The following CDC5L variants were observed in gnomAD, a reference collection of about 807,000 sequenced individuals.
CDC5L encodes cell division cycle 5 like, also known as cell division cycle 5-like protein.
CDC5L carries 18 observed loss-of-function variants against 104.1 expected under a neutral mutation model. The observed-to-expected ratio is 0.17, with a 90% CI of 0.12 to 0.26. The LOEUF (loss-of-function observed/expected upper bound fraction) is 0.26. Among genes scored for constraint, CDC5L ranks in the 10% least tolerant of loss-of-function variants. CDC5L has a pLI of 1.00. For synonymous variants in CDC5L, 331 were observed against 322.7 expected, an observed-to-expected ratio of 1.03 and a Z score of -0.28; for missense variants, 673 against 956.9, an observed-to-expected ratio of 0.70 and a Z score of 3.91.
At chr6:44,394,666 G>A in intron 4 of CDC5L, among the ~76,000 whole-genome samples, 1 of 151,848 alleles carries the variant, frequency 6.6e-6, no homozygotes, top group African/African-American at 2.4e-5. Flanking sequence ...GATCAGCCTG[G>A]CCAACATGGT....
intron 14 of CDC5L, chr6:44,435,608 G>C (rs1297975438): frequency 1.3e-5 from 2 of 153,498 alleles, no homozygotes; most frequent in African/African-American, 4.8e-5. Flanking sequence ...TATTAGCAGT[G>C]GTGTGACCAG....
At chr6:44,434,063 A>T (rs1040032377) in intron 14 of CDC5L, among the ~76,000 whole-genome samples, 1 of 152,172 alleles carries the variant, frequency 6.6e-6, no homozygotes, top group African/African-American at 2.4e-5. Context: ...CTCTTTCCCA[A>T]ATTCTGTTCT....
chr6:44,427,327 T>C (rs1792469053), intron 13 of CDC5L, among the ~76,000 whole-genome samples: 1 of 152,174 alleles, frequency 6.6e-6, no homozygotes, highest in African/African-American at 2.4e-5. Context: ...GAAATCTCCA[T>C]AATTGTATAA....
intron 7 of CDC5L, 29 bp downstream of exon 7, chr6:44,406,496 A>G (rs764150630): frequency 7.0e-6 from 11 of 1,578,704 alleles, no homozygotes; most frequent in Admixed American, 1.8e-5. Flanking sequence ...ATTTTTCACT[A>G]TGTGAATTTA....
chr6:44,437,848 T>C (rs1168855278), intron 14 of CDC5L, among the ~76,000 whole-genome samples: 1 of 152,242 alleles, frequency 6.6e-6, no homozygotes, highest in Non-Finnish European at 1.5e-5. Context: ...AAAAGCATTA[T>C]ATGTATTAAT....
intron 14 of CDC5L, among the ~76,000 whole-genome samples, chr6:44,430,378 G>A (rs1792622701): frequency 1.3e-5 from 2 of 150,040 alleles, no homozygotes; most frequent in African/African-American, 4.9e-5. Context: ...GAGTTAGGGA[G>A]GGCAGAGCTG....
At chr6:44,402,237 T>C (rs1222831307) in intron 5 of CDC5L, among the ~76,000 whole-genome samples, 3 of 149,898 alleles carry the variant, frequency 2.0e-5, no homozygotes, top group African/African-American at 7.4e-5. Flanking sequence ...CACACTGACT[T>C]CCACAATGGT....
At chr6:44,440,708 CTTTTTT>C (rs372146196) in intron 14 of CDC5L, among the ~76,000 whole-genome samples, 4 of 130,988 alleles carry the variant, frequency 3.1e-5, no homozygotes, top group African/African-American at 1.2e-4. Flanking sequence ...ATTTAAAATC[CTTTTTT>C]TTTTTTTTTT....
At chr6:44,389,726 A>G (rs1039301922) in intron 1 of CDC5L, among the ~76,000 whole-genome samples, 8 of 152,134 alleles carry the variant, frequency 5.3e-5, no homozygotes, top group Non-Finnish European at 8.8e-5. Flanking sequence ...TATAAACTTG[A>G]GACAGGAGGC....
At chr6:44,404,802 T>C (rs958451688) in intron 6 of CDC5L, among the ~76,000 whole-genome samples, 2 of 152,132 alleles carry the variant, frequency 1.3e-5, no homozygotes, top group African/African-American at 4.8e-5. Flanking sequence ...AAGCAGTCCT[T>C]CCACCTCAAC....
intron 5 of CDC5L, among the ~76,000 whole-genome samples, chr6:44,397,603 G>T (rs1288614740): frequency 6.6e-6 from 1 of 152,136 alleles, no homozygotes; most frequent in East Asian, 1.9e-4. Context: ...TAGCTATTTT[G>T]GAGTCAGATG....
At position 44,424,551 on chromosome 6, in the gene CDC5L, G is replaced by A. The variant is rs769530734; in HGVS notation, c.1537G>A (p.Glu513Lys). The A allele has an allele frequency of 1.2e-6, 2 of 1,613,946 alleles. No individual in the cohort carries two copies. The highest frequency in any genetic ancestry group is 1.1e-5 in the South Asian group (1 of 91,072). The change falls in exon 11 of 16, where the codon GAA (glutamate) becomes AAA (lysine). Residue 513 changes from glutamate (E) to lysine (K), a missense_variant. By Grantham distance (56) the Glu-to-Lys change is moderately conservative. Transcript: ENST00000371477. ...EEREIDDTYI[E>K]DAADVDARKQ... is the part of the protein sequence containing the mutation. The stretch of plus-strand genomic sequence containing the variant: ...ACGTGAAATAGATGATACTTACATT[G>A]AAGATGCTGCTGATGTGGATGCTCG...
At chr6:44,413,220 T>G (rs1791736022) in intron 8 of CDC5L, among the ~76,000 whole-genome samples, 2 of 152,248 alleles carry the variant, frequency 1.3e-5, no homozygotes, top group South Asian at 4.1e-4. Flanking sequence ...ATTCTGCACA[T>G]ATATGTAAAT....
chr6:44,396,581 T>C (rs1047391159), intron 5 of CDC5L, 141 bp downstream of exon 5: 9 of 584,734 alleles, frequency 1.5e-5, no homozygotes, highest in Middle Eastern at 8.6e-4. Flanking sequence ...CTGCAGTGGA[T>C]AGCTGGGTGT....
intron 4 of CDC5L, among the ~76,000 whole-genome samples, chr6:44,395,101 C>T (rs1790810578): frequency 6.6e-6 from 1 of 151,894 alleles, no homozygotes; most frequent in Non-Finnish European, 1.5e-5. Flanking sequence ...TGATAGATGC[C>T]AGAGGCTGGG....
chr6:44,400,158 G>C (rs1386319061), intron 5 of CDC5L, among the ~76,000 whole-genome samples: 1 of 151,876 alleles, frequency 6.6e-6, no homozygotes, highest in Non-Finnish European at 1.5e-5. Context: ...TTTGTTCTTG[G>C]AACATAATGG....
At chr6:44,392,360 T>C (rs564418838) in intron 2 of CDC5L, among the ~76,000 whole-genome samples, 3 of 152,176 alleles carry the variant, frequency 2.0e-5, no homozygotes, top group South Asian at 4.1e-4. Flanking sequence ...CTTCCAAATA[T>C]TTCAAAATTT....
intron 4 of CDC5L, among the ~76,000 whole-genome samples, 160 bp from the exon 5 acceptor site, chr6:44,396,181 G>T (rs564969644): frequency 6.6e-6 from 1 of 152,162 alleles, no homozygotes; most frequent in Non-Finnish European, 1.5e-5. Flanking sequence ...TAGGTTCTTT[G>T]ACTTCAAAAC....
chr6:44,436,454 A>G (rs2153383296), intron 14 of CDC5L, among the ~76,000 whole-genome samples: 1 of 152,336 alleles, frequency 6.6e-6, no homozygotes, highest in Admixed American at 6.5e-5. Context: ...TTTCATGTAT[A>G]CATTTTGGTG....
Sources: allele counts gnomAD v4.1 joint callset (sites outside exome capture counted in the v4.1 genomes callset), GRCh38; gene constraint gnomAD v4.1.1; transcripts MANE v1.5; gene names NCBI Gene and HGNC (gene_info 2026-07-23, HGNC 2026-07-21).